TC2N: variants seen among roughly 807,000 people sequenced by gnomAD.
TC2N encodes the protein tandem C2 domains nuclear protein.
TC2N carries 51 observed loss-of-function variants against 61.9 expected under a neutral mutation model. The observed-to-expected ratio is 0.82, with a 90% confidence interval of 0.66 to 1.04. The LOEUF is 1.04. TC2N is among the 50% of genes least tolerant of loss of function. The pLI, the probability that TC2N is intolerant of heterozygous loss-of-function variation, is 0.00. For synonymous variants in TC2N, 204 were observed against 192.6 expected, an observed-to-expected ratio of 1.06 and a Z score of -0.49; for missense variants, 556 against 566.7, an observed-to-expected ratio of 0.98 and a Z score of 0.19.
chr14:91,865,938 T>C (rs1162261624), intron 1 of TC2N, among the ~76,000 whole-genome samples: 1 of 152,218 alleles, frequency 6.6e-6, no homozygotes, highest in Non-Finnish European at 1.5e-5. Context: ...TTTAAAGTTA[T>C]TAAAAAGTTA....
intron 3 of TC2N, among the ~76,000 whole-genome samples, chr14:91,804,772 T>C (rs958592148): frequency 6.6e-6 from 1 of 152,156 alleles, no homozygotes; most frequent in African/African-American, 2.4e-5. Flanking sequence ...GAGTCATGAT[T>C]GTAACAATGG....
chr14:91,810,901 T>C (rs755731363), intron 3 of TC2N, among the ~76,000 whole-genome samples: 1 of 148,128 alleles, frequency 6.8e-6, no homozygotes, highest in Non-Finnish European at 1.5e-5. Flanking sequence ...CATAGAACAA[T>C]ATCAAAAGGT....
At chr14:91,840,137 T>A (rs1888137839) in intron 1 of TC2N, among the ~76,000 whole-genome samples, 1 of 152,176 alleles carries the variant, frequency 6.6e-6, no homozygotes, top group African/African-American at 2.4e-5. Context: ...ATGGGAGAAA[T>A]GTCTGGGTCC....
chr14:91,845,097 G>A (rs926154091), intron 1 of TC2N, among the ~76,000 whole-genome samples: 7 of 151,300 alleles, frequency 4.6e-5, no homozygotes, highest in South Asian at 2.1e-4. Context: ...GTGACGTGGC[G>A]CACACCTGTA....
chr14:91,862,404 G>A (rs926512662), intron 1 of TC2N, among the ~76,000 whole-genome samples: 14 of 151,894 alleles, frequency 9.2e-5, no homozygotes, highest in African/African-American at 3.1e-4. Flanking sequence ...TTGAGCAGGC[G>A]AGGAAGAGGA....
chr14:91,821,527 G>C (rs1283287198), intron 1 of TC2N, among the ~76,000 whole-genome samples: 1 of 151,750 alleles, frequency 6.6e-6, no homozygotes, highest in Non-Finnish European at 1.5e-5. Flanking sequence ...CTATATGTAA[G>C]AGTTAAAACT....
intron 11 of TC2N, among the ~76,000 whole-genome samples, chr14:91,783,971 C>A (rs907874606): frequency 1.3e-5 from 2 of 152,004 alleles, no homozygotes; most frequent in African/African-American, 4.8e-5. Context: ...CAAATGAAAT[C>A]TTACAAATAA....
At chr14:91,866,934 C>T (rs1595284072) in intron 1 of TC2N, among the ~76,000 whole-genome samples, 2 of 152,268 alleles carry the variant, frequency 1.3e-5, no homozygotes, top group Middle Eastern at 6.8e-3. Flanking sequence ...TACACTTTGC[C>T]CTGGACTGTT....
intron 1 of TC2N, among the ~76,000 whole-genome samples, chr14:91,854,334 C>T (rs548341666): frequency 2.5e-4 from 37 of 147,678 alleles, no homozygotes; most frequent in African/African-American, 4.5e-4. Context: ...TAGAAATGTA[C>T]GAGGATAAGA....
intron 8 of TC2N, among the ~76,000 whole-genome samples, chr14:91,793,340 T>A (rs1215545320): frequency 1.3e-5 from 2 of 152,200 alleles, no homozygotes; most frequent in Non-Finnish European, 2.9e-5. Context: ...GAGCTTTTAT[T>A]CCTTTTGAAA....
At position 91,797,839 on chromosome 14, in the gene TC2N, T is replaced by G; in HGVS notation, c.801A>C (p.Ile267=). Residue 267 remains isoleucine (I), a synonymous_variant, in exon 8 of 12, where the codon ATA becomes ATC. Transcript: ENST00000435962. ...AATGCACTGGTTTGGGCAATGTAAGTATTCCTTTTATAGAAACAGTAGGAG... is the reference window on the plus strand; with the variant it reads ...AATGCACTGGTTTGGGCAATGTAAGGATTCCTTTTATAGAAACAGTAGGAG... ...GDTPTVSIKG[I]LTLPKPVHFK... The G allele has an allele frequency of 3.1e-6, 5 of 1,611,480 alleles. No individual in the cohort carries two copies. Among genetic ancestry groups the G allele is most frequent in the Non-Finnish European group, 4.2e-6 (5 of 1,178,542 alleles).
At chr14:91,833,844 C>T (rs1261127760) in intron 1 of TC2N, among the ~76,000 whole-genome samples, 1 of 152,152 alleles carries the variant, frequency 6.6e-6, no homozygotes, top group African/African-American at 2.4e-5. Context: ...ACTTGGTTGC[C>T]AGCCTTTTCC....
At chr14:91,832,461 C>T (rs1887822461) in intron 1 of TC2N, among the ~76,000 whole-genome samples, 1 of 151,504 alleles carries the variant, frequency 6.6e-6, no homozygotes, top group Non-Finnish European at 1.5e-5. Context: ...CATAAACACC[C>T]ACAAAACATA....
intron 1 of TC2N, among the ~76,000 whole-genome samples, chr14:91,864,808 C>T (rs1467882689): frequency 8.9e-6 from 1 of 112,242 alleles, no homozygotes; most frequent in East Asian, 2.9e-4. Flanking sequence ...TTGAGACAGA[C>T]TCTCGCTCTG....
intron 6 of TC2N, among the ~76,000 whole-genome samples, chr14:91,798,766 T>C (rs181211862): frequency 1.9e-4 from 29 of 152,100 alleles, no homozygotes; most frequent in Non-Finnish European, 3.5e-4. Context: ...TCATCACTTT[T>C]TAAAAAGCCA....
intron 1 of TC2N, among the ~76,000 whole-genome samples, chr14:91,850,262 G>A (rs757875092): frequency 6.6e-6 from 1 of 152,058 alleles, no homozygotes; most frequent in African/African-American, 2.4e-5. Flanking sequence ...AGAAAATGGG[G>A]AGGGATGGGG....
intron 1 of TC2N, among the ~76,000 whole-genome samples, chr14:91,834,613 A>G (rs372903360): frequency 6.6e-6 from 1 of 152,072 alleles, no homozygotes; most frequent in African/African-American, 2.4e-5. Context: ...CTTGGCTTCT[A>G]CCCTTACACT....
chr14:91,784,880 A>T (rs866813881), intron 11 of TC2N, among the ~76,000 whole-genome samples: 1 of 152,206 alleles, frequency 6.6e-6, no homozygotes, highest in Non-Finnish European at 1.5e-5. Flanking sequence ...TCCACAAGGA[A>T]CAAGTCAGTA....
At chr14:91,845,658 G>A (rs1304261864) in intron 1 of TC2N, among the ~76,000 whole-genome samples, 1 of 152,166 alleles carries the variant, frequency 6.6e-6, no homozygotes, top group Admixed American at 6.5e-5. Flanking sequence ...ACATATATGG[G>A]AACATATTCA....
Sources: allele counts gnomAD v4.1 joint callset (sites outside exome capture counted in the v4.1 genomes callset), GRCh38; gene constraint gnomAD v4.1.1; transcripts MANE v1.5; gene names NCBI Gene and HGNC (gene_info 2026-07-23, HGNC 2026-07-21).